Variants in EPHA7 observed in about 807,000 individuals in gnomAD.
EPHA7 encodes the protein EPH receptor A7.
Under a neutral mutation model 112.6 loss-of-function variants are expected in EPHA7, and 25 were observed. The observed-to-expected ratio is 0.22, with a 90% CI of 0.16 to 0.31. The LOEUF (loss-of-function observed/expected upper bound fraction) is 0.31, where lower values mean the gene tolerates loss of function less well. Ranked by LOEUF, EPHA7 falls within the 10% of genes least tolerant of loss-of-function variation. The pLI is 1.00. For missense variants in EPHA7, 962 were observed against 1,212.6 expected (o/e 0.79, Z 3.07); for synonymous variants, 437 against 406.5 (o/e 1.07, Z -0.90).
chr6:93,350,244 T>C (rs944908366), intron 5 of EPHA7, among the ~76,000 whole-genome samples: 2 of 152,032 alleles, frequency 1.3e-5, no homozygotes, highest in Non-Finnish European at 2.9e-5. Flanking sequence ...ATAACACTTC[T>C]TAGTAGGTCT....
At chr6:93,251,965 A>T (rs1375097221) in intron 14 of EPHA7, among the ~76,000 whole-genome samples, 1 of 152,046 alleles carries the variant, frequency 6.6e-6, no homozygotes, top group African/African-American at 2.4e-5. Flanking sequence ...ACACATAAAA[A>T]TACAAATGAG....
At chr6:93,391,370 G>C (rs1777897272) in intron 3 of EPHA7, among the ~76,000 whole-genome samples, 1 of 151,806 alleles carries the variant, frequency 6.6e-6, no homozygotes, top group African/African-American at 2.4e-5. Flanking sequence ...TGGCAAGAGA[G>C]GAAAAGAAAA....
chr6:93,294,617 G>A (rs1772558048), intron 5 of EPHA7, among the ~76,000 whole-genome samples: 1 of 152,020 alleles, frequency 6.6e-6, no homozygotes, highest in African/African-American at 2.4e-5. Flanking sequence ...GTAGTTAAAT[G>A]TTGTTTTATT....
chr6:93,291,065 G>A (rs1400172750), intron 5 of EPHA7, among the ~76,000 whole-genome samples: 1 of 152,106 alleles, frequency 6.6e-6, no homozygotes, highest in Non-Finnish European at 1.5e-5. Context: ...TCTTTAAAAT[G>A]AGTAAATTTT....
intron 5 of EPHA7, among the ~76,000 whole-genome samples, chr6:93,276,224 C>T (rs1404951991): frequency 2.6e-5 from 4 of 151,962 alleles, no homozygotes; most frequent in African/African-American, 4.8e-5. Flanking sequence ...CATACGAGCC[C>T]TTAAGAGCAA....
At chr6:93,299,065 G>T (rs1772826945) in intron 5 of EPHA7, among the ~76,000 whole-genome samples, 1 of 152,060 alleles carries the variant, frequency 6.6e-6, no homozygotes, top group Admixed American at 6.5e-5. Context: ...GGTGGCTCAA[G>T]CCTGTAATCC....
intron 5 of EPHA7, among the ~76,000 whole-genome samples, chr6:93,301,644 A>T (rs1772981492): frequency 6.6e-6 from 1 of 152,200 alleles, no homozygotes; most frequent in African/African-American, 2.4e-5. Context: ...ACTGTCTGTC[A>T]TCTCCACATC....
chr6:93,263,484 T>A (rs1183905685), intron 9 of EPHA7, among the ~76,000 whole-genome samples: 1 of 151,290 alleles, frequency 6.6e-6, no homozygotes, highest in Non-Finnish European at 1.5e-5. Flanking sequence ...GCATCACTCA[T>A]TGGATTAAAA....
rs1463415266 is a variant in EPHA7, at chr6:93,334,793, TTC to T, written c.1324+21922_1324+21923del. ...AAACGAGTGATGCAAATCCATTTCA[TTC>T]TCTGATAACCATGAACATATTTGCA... On this transcript the variant is annotated intron_variant, in intron 5 of 16. Coordinates refer to ENST00000369303, the MANE Select transcript of EPHA7 (RefSeq NM_004440.4). 4.6e-5 allele frequency among the ~76,000 whole-genome samples: 7 copies of T among 152,250 alleles called. No individual in the cohort carries two copies. In the East Asian group the frequency reaches 1.4e-3, roughly 29 times the overall value.
At chr6:93,296,038 C>T (rs906372788) in intron 5 of EPHA7, among the ~76,000 whole-genome samples, 1 of 151,596 alleles carries the variant, frequency 6.6e-6, no homozygotes, top group Non-Finnish European at 1.5e-5. Context: ...TTAATACTTT[C>T]GAGCAATAAA....
Position 93,272,315 on chromosome 6 carries a change from T to G in EPHA7, c.1432A>C (p.Ile478Leu), listed in dbSNP as rs1771264182. The G allele has an allele frequency of 6.2e-7, 1 of 1,611,920 alleles. No homozygotes were observed. Among genetic ancestry groups the G allele is most frequent in the Non-Finnish European group, 8.5e-7 (1 of 1,178,468 alleles). ...HPNGVITEYE[I>L]KYYEKDQRER... ...GCACTTACTTTCTCGTAATACTTGA[T>G]TTCATATTCTGTGATGACTCCATTG... is the stretch of plus-strand genomic sequence containing the variant. Residue 478 changes from isoleucine to leucine, a missense_variant, in exon 6 of 17, where the codon ATC becomes CTC. Physicochemically the swap from Ile to Leu is conservative, Grantham distance 5. This residue lies in a region of EPHA7 where 746 missense variants were observed against 889.2 expected (regional missense o/e 0.84). Coordinates refer to ENST00000369303, the MANE Select transcript of EPHA7 (RefSeq NM_004440.4).
rs369147411 is a variant in EPHA7 at position 93,262,129 on chromosome 6, A to G, written c.1798+1731T>C. On this transcript the variant is annotated intron_variant, in intron 9 of 16. Coordinates refer to ENST00000369303, the MANE Select transcript of EPHA7 (RefSeq NM_004440.4). ...CTACAGTCTTATATTACTCTTCTAT[A>G]TACATTCTACACTAGAAATAAAATT... Among the ~76,000 whole-genome samples, 3 of 151,642 alleles carry G rather than the reference A, an allele frequency of 2.0e-5. 1 individual carries two copies. The highest frequency in any genetic ancestry group is 6.6e-5 in the Admixed American group (1 of 15,164).
At chr6:93,244,926 A>G (rs1465890631) in intron 16 of EPHA7, among the ~76,000 whole-genome samples, 1 of 152,168 alleles carries the variant, frequency 6.6e-6, no homozygotes, top group Non-Finnish European at 1.5e-5. Flanking sequence ...ATAATACAGA[A>G]GTTAACTACA....
intron 5 of EPHA7, among the ~76,000 whole-genome samples, chr6:93,301,786 G>A (rs1562081348): frequency 6.6e-6 from 1 of 152,076 alleles, no homozygotes; most frequent in Non-Finnish European, 1.5e-5. Context: ...ATCCCTCCAT[G>A]TCTTTTGTCC....
chr6:93,260,601 C>T, intron 9 of EPHA7: 1 of 964,956 alleles, frequency 1.0e-6, no homozygotes, highest in Non-Finnish European at 1.2e-6. Context: ...TATGTCATCA[C>T]ATTAAAACTA....
At chr6:93,399,583 G>T (rs1778340494) in intron 3 of EPHA7, among the ~76,000 whole-genome samples, 1 of 152,010 alleles carries the variant, frequency 6.6e-6, no homozygotes, top group East Asian at 1.9e-4. Flanking sequence ...TTAATGCATA[G>T]AAATTTGGAA....
At chr6:93,333,384 T>C (rs1230532482) in intron 5 of EPHA7, among the ~76,000 whole-genome samples, 1 of 151,892 alleles carries the variant, frequency 6.6e-6, no homozygotes, top group East Asian at 1.9e-4. Flanking sequence ...ATAATTTATA[T>C]TCCTTTCATT....
rs1405251196 is a variant in EPHA7, at chr6:93,414,828, T to C, written c.98-61A>G. ...AAACACTTACGCACACATGTAGACA[T>C]TTTTAAGGTGAATCTTTTCATATAA... On this transcript the variant is annotated intron_variant, in intron 1 of 16. Transcript: ENST00000369303. 1.1e-5 allele frequency: 15 copies of C among 1,306,200 alleles called. No individual in the cohort carries two copies. In the East Asian group the frequency reaches 1.6e-4, roughly 14 times the overall value. 80.9% of individuals were successfully genotyped at this position (1,306,200 alleles called of 1,614,324 possible).
At chr6:93,336,146 A>C (rs1481824100) in intron 5 of EPHA7, among the ~76,000 whole-genome samples, 1 of 152,174 alleles carries the variant, frequency 6.6e-6, no homozygotes, top group Non-Finnish European at 1.5e-5. Flanking sequence ...TACTAGAATA[A>C]AAGTATTTTA....
Sources: allele counts gnomAD v4.1 joint callset (sites outside exome capture counted in the v4.1 genomes callset), GRCh38; gene constraint gnomAD v4.1.1; regional missense constraint gnomAD v4.1.1; transcripts MANE v1.5; gene names NCBI Gene and HGNC (gene_info 2026-07-23, HGNC 2026-07-21).